The following SCFD2 variants were observed in gnomAD, a reference collection of about 807,000 sequenced individuals.
The protein encoded by SCFD2 is sec1 family domain containing 2.
A neutral mutation model predicts 58.9 loss-of-function variants in SCFD2; 54 were observed. The ratio of observed to expected loss-of-function variants is 0.92; its 90% CI spans 0.74 to 1.15. The LOEUF is 1.15. Ranked by LOEUF, SCFD2 falls within the 50% of genes most tolerant of loss-of-function variation. SCFD2 has a pLI of 0.00. For synonymous variants in SCFD2, 321 were observed against 335.9 expected, an observed-to-expected ratio of 0.96 and a Z score of 0.49; for missense variants, 805 against 836.6, an observed-to-expected ratio of 0.96 and a Z score of 0.47.
At chr4:53,298,828 C>G (rs1560434974) in intron 3 of SCFD2, among the ~76,000 whole-genome samples, 2 of 152,072 alleles carry the variant, frequency 1.3e-5, no homozygotes, top group African/African-American at 4.8e-5. Flanking sequence ...GATACCCAGG[C>G]AAAAAGGGTC....
chr4:53,188,058 T>C lies in SCFD2; in HGVS notation c.1312-42476A>G, dbSNP rs114900210. On this transcript the variant is annotated intron_variant, in intron 4 of 8. Transcript: ENST00000401642. ...CAGCTCAAGCAGTTTAGCAGAAAAA[T>C]TCAATCAAATACAAAAAACAACTCA... Among the ~76,000 whole-genome samples the C allele has an allele frequency of 2.7e-3, 413 of 152,052 alleles. 1 individual carries two copies. The highest frequency in any genetic ancestry group is 9.5e-3 in the African/African-American group (395 of 41,516).
intron 5 of SCFD2, among the ~76,000 whole-genome samples, chr4:53,077,169 A>C (rs1724002547): frequency 6.6e-6 from 1 of 152,204 alleles, no homozygotes; most frequent in South Asian, 2.1e-4. Context: ...CAGTGTGGCA[A>C]GAAAAATAAC....
At chr4:53,343,691 G>A (rs1156231449) in intron 2 of SCFD2, among the ~76,000 whole-genome samples, 1 of 152,142 alleles carries the variant, frequency 6.6e-6, no homozygotes, top group Non-Finnish European at 1.5e-5. Context: ...GAACATCGAT[G>A]CAAAAATCCC....
intron 6 of SCFD2, among the ~76,000 whole-genome samples, chr4:52,912,164 G>A (rs1040801674): frequency 2.0e-5 from 3 of 151,836 alleles, no homozygotes; most frequent in Admixed American, 6.6e-5. Context: ...CTTGAACACT[G>A]ACAAAAACAG....
Position 53,329,467 on chromosome 4 carries a change from AC to A in SCFD2, c.1008-15705del, listed in dbSNP as rs1283171066. Among the ~76,000 whole-genome samples, 1,369 of 150,802 alleles carry A rather than the reference AC, an allele frequency of 9.1e-3. 18 individuals are homozygous for A. Among genetic ancestry groups the A allele is most frequent in the African/African-American group, 0.031 (1,290 of 41,002 alleles). On this transcript the variant is annotated intron_variant, in intron 2 of 8. Coordinates refer to ENST00000401642, the MANE Select transcript of SCFD2 (RefSeq NM_152540.4). Reference sequence around the variant, plus strand: ...CCCCCGAGCAGCCTAACTGGGAGGCACCCCCCAGCAGGGGCACACTGACACC... The same window carrying A: ...CCCCCGAGCAGCCTAACTGGGAGGCACCCCCAGCAGGGGCACACTGACACC...
At chr4:52,959,096 A>G (rs758533242) in intron 5 of SCFD2, among the ~76,000 whole-genome samples, 1 of 152,132 alleles carries the variant, frequency 6.6e-6, no homozygotes, top group African/African-American at 2.4e-5. Context: ...TTGAATCCAG[A>G]AAGTCTGACT....
At chr4:53,212,074 G>T (rs1728629543) in intron 4 of SCFD2, among the ~76,000 whole-genome samples, 1 of 151,974 alleles carries the variant, frequency 6.6e-6, no homozygotes, top group South Asian at 2.1e-4. Flanking sequence ...TGGATGGATA[G>T]TACACCCCCC....
chr4:53,277,988 G>C (rs367577275), intron 3 of SCFD2, among the ~76,000 whole-genome samples: 1 of 151,860 alleles, frequency 6.6e-6, no homozygotes, highest in Non-Finnish European at 1.5e-5. Flanking sequence ...GGGAGGCGGA[G>C]CTTGCAGTAA....
intron 5 of SCFD2, among the ~76,000 whole-genome samples, chr4:52,952,801 A>C (rs1720630960): frequency 1.3e-5 from 2 of 152,164 alleles, no homozygotes; most frequent in Non-Finnish European, 2.9e-5. Flanking sequence ...TGATCCTTTC[A>C]TTCCCTAAAT....
At chr4:53,253,285 TTGG>T (rs1289681798) in intron 4 of SCFD2, among the ~76,000 whole-genome samples, 1 of 152,206 alleles carries the variant, frequency 6.6e-6, no homozygotes, top group East Asian at 1.9e-4. Flanking sequence ...TTTTACACTG[TTGG>T]TGGGATTGTA....
intron 5 of SCFD2, among the ~76,000 whole-genome samples, chr4:52,937,168 A>T (rs1029548174): frequency 6.6e-6 from 1 of 152,244 alleles, no homozygotes; most frequent in Non-Finnish European, 1.5e-5. Context: ...AACACTACAG[A>T]TACCTGGGGA....
intron 5 of SCFD2, among the ~76,000 whole-genome samples, chr4:53,000,561 G>C (rs1721840755): frequency 6.6e-6 from 1 of 152,190 alleles, no homozygotes; most frequent in Non-Finnish European, 1.5e-5. Context: ...GTACAGAGGA[G>C]CCAGGGGATC....
At chr4:53,124,401 AG>A (rs1560346301) in intron 5 of SCFD2, among the ~76,000 whole-genome samples, 1 of 152,234 alleles carries the variant, frequency 6.6e-6, no homozygotes, top group Admixed American at 6.5e-5. Flanking sequence ...AACTATGCAT[AG>A]GTTAAGTGTC....
chr4:53,150,713 G>T (rs1726480317), intron 4 of SCFD2, among the ~76,000 whole-genome samples: 1 of 152,136 alleles, frequency 6.6e-6, no homozygotes, highest in Non-Finnish European at 1.5e-5. Flanking sequence ...TTCCTCATCT[G>T]TAAAATGGAA....
intron 4 of SCFD2, among the ~76,000 whole-genome samples, chr4:53,202,090 A>G (rs1728261203): frequency 6.6e-6 from 1 of 152,064 alleles, no homozygotes; most frequent in Non-Finnish European, 1.5e-5. Flanking sequence ...TTAGACATGA[A>G]GTCCTTGCCC....
intron 4 of SCFD2, among the ~76,000 whole-genome samples, chr4:53,217,986 C>T (rs1260733724): frequency 6.6e-6 from 1 of 152,208 alleles, no homozygotes; most frequent in African/African-American, 2.4e-5. Context: ...TCTCTTCTGG[C>T]TTGTAGCGTT....
intron 5 of SCFD2, among the ~76,000 whole-genome samples, chr4:53,142,696 A>G (rs10008674): frequency 0.02 from 3,024 of 152,362 alleles, 109 homozygotes; most frequent in African/African-American, 0.069. Context: ...ATGTAAATCA[A>G]TAATCATTTC....
rs183488932 is a variant in SCFD2, at chr4:53,163,793, T to C, written c.1312-18211A>G. ...CCAAAGAGGAAGTGAGATGACTCTT[T>C]AACGGTTAAATTTCTGGCTTGATGG... On this transcript the variant is annotated intron_variant, in intron 4 of 8. Coordinates refer to ENST00000401642, the MANE Select transcript of SCFD2 (RefSeq NM_152540.4). 3.0e-3 allele frequency among the ~76,000 whole-genome samples: 464 copies of C among 152,240 alleles called. 3 individuals are homozygous for C. The highest frequency in any genetic ancestry group is 0.01 in the African/African-American group (433 of 41,550).
intron 4 of SCFD2, among the ~76,000 whole-genome samples, chr4:53,241,592 C>G (rs1417007916): frequency 1.3e-5 from 2 of 152,222 alleles, no homozygotes; most frequent in African/African-American, 2.4e-5. Context: ...CCTCCCACCA[C>G]TGCAGCCTCC....
Sources: allele counts gnomAD v4.1 joint callset (sites outside exome capture counted in the v4.1 genomes callset), GRCh38; gene constraint gnomAD v4.1.1; transcripts MANE v1.5; gene names NCBI Gene and HGNC (gene_info 2026-07-23, HGNC 2026-07-21).